The following CX3CL1 variants were observed in gnomAD, a reference collection of about 807,000 sequenced individuals.
The protein encoded by CX3CL1 is C-X3-C motif chemokine ligand 1, also known as fractalkine.
Under a neutral mutation model 14.1 loss-of-function variants are expected in CX3CL1, and 1 was observed. The ratio of observed to expected loss-of-function variants is 0.07; its 90% confidence interval spans 0.03 to 0.34. CX3CL1 has a LOEUF of 0.34. CX3CL1 is among the 10% of genes least tolerant of loss of function. The probability of loss-of-function intolerance (pLI) is 0.99; values close to 1 mark genes in which losing one functional copy is unlikely to be tolerated. For synonymous variants in CX3CL1, 255 were observed against 229.6 expected (o/e 1.11, Z -1.00); for missense variants, 505 against 536.4 (o/e 0.94, Z 0.58).
chr16:57,372,783 G>A (rs367908467), intron 1 of CX3CL1, 145 bp downstream of exon 1: 6 of 752,746 alleles, frequency 8.0e-6, no homozygotes, highest in African/African-American at 3.5e-5. Flanking sequence ...ATGTGCGAGA[G>A]GGGGCTGGGC....
In CX3CL1 at chr16:57,382,399, A is replaced by G; in HGVS notation, c.561A>G (p.Arg187=). Residue 187 remains arginine (R), a synonymous_variant, in exon 3 of 3, where the codon CGA becomes CGG. Transcript: ENST00000006053. The surrounding 1 kb of genome is among the most constrained non-coding windows in gnomAD (Gnocchi z 6.9). ...GGCCTGTGGGCACGGAGCTTTTCCG[A>G]GTGCCTCCCGTCTCCACTGCCGCCA... ...DGGPVGTELF[R]VPPVSTAATW... 6.2e-7 allele frequency: 1 copy of G among 1,612,164 alleles called. No homozygotes were observed. The highest frequency in any genetic ancestry group is 8.5e-7 in the Non-Finnish European group (1 of 1,179,948).
At chr16:57,381,979 C>CG (rs773185397) in intron 2 of CX3CL1, 51 bp from the exon 3 acceptor site, 7 of 1,525,338 alleles carry the variant, frequency 4.6e-6, no homozygotes, top group Non-Finnish European at 6.2e-6. Context: ...CACGCTGGCC[C>CG]GGGTTTCTGG....
rs1465815379 is a variant in CX3CL1 at position 57,384,546 on chromosome 16, GGCCTCTTATGGGCTGGGTTCT to G, written c.*1515_*1535del. On this transcript the variant is annotated 3_prime_UTR_variant, in exon 3 of 3. Coordinates refer to ENST00000006053, the MANE Select transcript of CX3CL1 (RefSeq NM_002996.6). ...CCCGACCCTTGCCGTCTACCTGAGGGGCCTCTTATGGGCTGGGTTCTACCCAGGTGCTAGGAACACTCCTTC... is the reference window on the plus strand; with the variant it reads ...CCCGACCCTTGCCGTCTACCTGAGGGACCCAGGTGCTAGGAACACTCCTTC... The G allele has an allele frequency of 6.6e-6, 1 of 152,350 alleles. No individual in the cohort carries two copies. Among genetic ancestry groups the G allele is most frequent in the Non-Finnish European group, 1.5e-5 (1 of 68,182 alleles). 9.4% of individuals were successfully genotyped at this position (152,350 alleles called of 1,614,324 possible). A position where few individuals can be genotyped will look rare whatever the true frequency, so the allele number is the denominator to read the frequency against.
rs772762556 is a variant in CX3CL1, at chr16:57,382,312, G to C, written c.474G>C (p.Pro158=). The C allele has an allele frequency of 3.7e-6, 6 of 1,605,352 alleles. No homozygotes were observed. In the African/African-American group the frequency reaches 4.0e-5, roughly 11 times the overall value. Residue 158 remains proline (P), a synonymous_variant, in exon 3 of 3, where the codon CCG becomes CCC. Transcript: ENST00000006053. This position sits in a 1 kb window ranked among gnomAD's most constrained non-coding sequence, Gnocchi z 6.9. The part of the protein sequence containing the change: ...QRALGTSPEL[P]TGVTGSSGTR... ...CCCTGGGGACCTCCCCAGAGCTGCC[G>C]ACGGGCGTGACTGGTTCCTCAGGGA...
chr16:57,377,297 C>CT (rs1385951575), intron 1 of CX3CL1: 5 of 152,300 alleles, frequency 3.3e-5, no homozygotes, highest in African/African-American at 1.2e-4. Flanking sequence ...TCAATAGGGC[C>CT]TGGGGAGGCT....
intron 1 of CX3CL1, among the ~76,000 whole-genome samples, chr16:57,375,869 T>C (rs1381186933): frequency 6.6e-6 from 1 of 152,218 alleles, no homozygotes; most frequent in Non-Finnish European, 1.5e-5. Flanking sequence ...TTGTGGTATG[T>C]TCTGGAACAC....
rs781169716 is a variant in CX3CL1 at position 57,382,068 on chromosome 16, C to T, written c.230C>T (p.Pro77Leu). The change falls in exon 3 of 3, where the codon CCG (proline) becomes CTG (leucine). Residue 77 changes from proline to leucine, a missense_variant. Pro to Leu is a moderately conservative substitution (Grantham distance 98, BLOSUM62 -3). Transcript: ENST00000006053. This position sits in a 1 kb window ranked among gnomAD's most constrained non-coding sequence, Gnocchi z 6.9. ...CAGCACAGGCTGTTCTGTGCCGACC[C>T]GAAGGAGCAATGGGTCAAGGACGCG... ...TRQHRLFCAD[P>L]KEQWVKDAMQ... is the part of the protein sequence containing the mutation. 5.6e-6 allele frequency: 9 copies of T among 1,606,250 alleles called. No homozygotes were observed. Among genetic ancestry groups the T allele is most frequent in the East Asian group, 4.5e-5 (2 of 44,662 alleles).
chr16:57,372,506 G>A lies in CX3CL1; in HGVS notation c.-63G>A, dbSNP rs1432243002. 10 of 1,510,946 alleles carry A rather than the reference G, an allele frequency of 6.6e-6. No homozygotes were observed. The East Asian group carries it at 2.3e-4, about 34-fold the overall frequency. 93.6% of individuals were successfully genotyped at this position (1,510,946 alleles called of 1,614,324 possible). On this transcript the variant is annotated 5_prime_UTR_variant, in exon 1 of 3. Transcript: ENST00000006053. ...GGCGGCGGCAAGGGGACAGCACTGA[G>A]CTCTGCCGCCTGGCTCTAGCCGCCT...
At chr16:57,373,696 G>A (rs1451602438) in intron 1 of CX3CL1, among the ~76,000 whole-genome samples, 1 of 152,222 alleles carries the variant, frequency 6.6e-6, no homozygotes, top group Non-Finnish European at 1.5e-5. Context: ...GCTTCCTGCT[G>A]TCTGGGCTGG....
chr16:57,382,996 C>T lies in CX3CL1; in HGVS notation c.1158C>T (p.Ser386=), dbSNP rs761866430. The change falls in exon 3 of 3, where the codon AGC becomes AGT. Residue 386 remains serine (S), a synonymous_variant. Coordinates refer to ENST00000006053, the MANE Select transcript of CX3CL1 (RefSeq NM_002996.6). This position sits in a 1 kb window ranked among gnomAD's most constrained non-coding sequence, Gnocchi z 6.9. The part of the protein sequence containing the change: ...MAEGLRYIPR[S]CGSNSYVLVP... ...AGGGCCTTCGCTACATCCCCCGGAGCTGTGGTAGTAATTCATATGTCCTGG... is the reference window on the plus strand; with the variant it reads ...AGGGCCTTCGCTACATCCCCCGGAGTTGTGGTAGTAATTCATATGTCCTGG... 2.2e-5 allele frequency: 33 copies of T among 1,499,536 alleles called. No individual in the cohort carries two copies. The highest frequency in any genetic ancestry group is 2.8e-5 in the African/African-American group (2 of 71,342). 92.9% of individuals were successfully genotyped at this position (1,499,536 alleles called of 1,614,324 possible).
Position 57,379,881 on chromosome 16 carries a change from C to G in CX3CL1, c.191+127C>G, listed in dbSNP as rs922514484. ...TCCCAGCCAAAGGCCTCAGCACACG[C>G]TTCTCTTGCCCCTGGCCTGCAGGCC... is the stretch of plus-strand genomic sequence containing the variant. On this transcript the variant is annotated intron_variant, in intron 2 of 2. Coordinates refer to ENST00000006053, the MANE Select transcript of CX3CL1 (RefSeq NM_002996.6). 1.3e-5 allele frequency: 14 copies of G among 1,115,074 alleles called. No individual in the cohort carries two copies. In the Admixed American group the frequency reaches 1.5e-4, roughly 12 times the overall value. The allele number at this position is 1,115,074 out of a possible 1,614,324, so 69.1% of individuals were successfully genotyped here.
intron 1 of CX3CL1, among the ~76,000 whole-genome samples, chr16:57,374,822 G>A (rs1283637301): frequency 6.6e-6 from 1 of 152,106 alleles, no homozygotes; most frequent in Non-Finnish European, 1.5e-5. Context: ...TCTGTTGGAA[G>A]GAGAAAAGGC....
In CX3CL1 at chr16:57,382,641, T is replaced by C; in HGVS notation, c.803T>C (p.Val268Ala). Residue 268 changes from valine (V) to alanine (A), a missense_variant, in exon 3 of 3, where the codon GTG (valine) becomes GCG (alanine). Val to Ala is a moderately conservative substitution (Grantham distance 64). Coordinates refer to ENST00000006053, the MANE Select transcript of CX3CL1 (RefSeq NM_002996.6). This position sits in a 1 kb window ranked among gnomAD's most constrained non-coding sequence, Gnocchi z 6.9. The part of the protein sequence containing the change: ...NSLEREEMGP[V>A]PAHTDAFQDW... The stretch of plus-strand genomic sequence containing the variant: ...CTGGAGCGGGAGGAGATGGGTCCCG[T>C]GCCAGCGCACACGGATGCCTTCCAG... 1 of 1,613,564 alleles carries C rather than the reference T, an allele frequency of 6.2e-7. No individual in the cohort carries two copies. The highest frequency in any genetic ancestry group is 8.5e-7 in the Non-Finnish European group (1 of 1,179,744).
intron 1 of CX3CL1, 83 bp from the exon 2 acceptor site, chr16:57,379,551 T>G: frequency 6.4e-7 from 1 of 1,569,718 alleles, no homozygotes; most frequent in Non-Finnish European, 8.7e-7. Flanking sequence ...GCTTGGGTGG[T>G]GTGGCCGGGA....
In CX3CL1 at chr16:57,382,644, C is replaced by A. The variant is rs1902346621; in HGVS notation, c.806C>A (p.Pro269Gln). ...SLEREEMGPV[P>Q]AHTDAFQDWG... ...GAGCGGGAGGAGATGGGTCCCGTGCCAGCGCACACGGATGCCTTCCAGGAC... is the reference window on the plus strand; with the variant it reads ...GAGCGGGAGGAGATGGGTCCCGTGCAAGCGCACACGGATGCCTTCCAGGAC... The change falls in exon 3 of 3, where the codon CCA becomes CAA. Residue 269 changes from proline to glutamine, a missense_variant. Coordinates refer to ENST00000006053, the MANE Select transcript of CX3CL1 (RefSeq NM_002996.6). The surrounding 1 kb of genome is among the most constrained non-coding windows in gnomAD (Gnocchi z 6.9). 1 of 1,613,484 alleles carries A rather than the reference C, an allele frequency of 6.2e-7. No homozygotes were observed. The highest frequency in any genetic ancestry group is 1.3e-5 in the African/African-American group (1 of 75,030).
chr16:57,376,440 G>GTGGGTGGA (rs1902245727), intron 1 of CX3CL1, among the ~76,000 whole-genome samples: 1 of 145,110 alleles, frequency 6.9e-6, no homozygotes, highest in Non-Finnish European at 1.5e-5. Context: ...GAATCAGGAA[G>GTGGGTGGA]TGGATGGATG....
intron 1 of CX3CL1, among the ~76,000 whole-genome samples, chr16:57,373,314 A>G (rs1301622932): frequency 2.6e-5 from 4 of 152,196 alleles, no homozygotes; most frequent in Non-Finnish European, 5.9e-5. Context: ...GTACATAATT[A>G]ACCATCCTAC....
At chr16:57,375,263 C>A (rs991290488) in intron 1 of CX3CL1, among the ~76,000 whole-genome samples, 6 of 151,934 alleles carry the variant, frequency 3.9e-5, no homozygotes, top group Admixed American at 3.3e-4. Context: ...CAGTTTGGAG[C>A]GGGGTGAGGG....
In CX3CL1 at chr16:57,384,934, CTAGGAAGACTTTGGAAAGAG is replaced by C. The variant is rs1437634998; in HGVS notation, c.*1922_*1941del. ...CAAGCAGGACATGGACAAGGATGAT[CTAGGAAGACTTTGGAAAGAG>C]TAGGAAGACTTTGGAAAGACTTTTC... On this transcript the variant is annotated 3_prime_UTR_variant, in exon 3 of 3. Coordinates refer to ENST00000006053, the MANE Select transcript of CX3CL1 (RefSeq NM_002996.6). 6.6e-6 allele frequency: 1 copy of C among 152,242 alleles called. No homozygotes were observed. Among genetic ancestry groups the C allele is most frequent in the African/African-American group, 2.4e-5 (1 of 41,462 alleles). The allele number at this position is 152,242 out of a possible 1,614,324, so 9.4% of individuals were successfully genotyped here. A position where few individuals can be genotyped will look rare whatever the true frequency, so the allele number is the denominator to read the frequency against.
Sources: gnomAD v4.1 joint callset for allele counts (sites outside exome capture counted in the v4.1 genomes callset) on GRCh38, gnomAD v4.1.1 for gene constraint, Gnocchi (gnomAD v3.1) non-coding constraint, MANE v1.5 for transcripts, NCBI Gene and HGNC (gene_info 2026-07-23, HGNC 2026-07-21) for gene names.